Variants in GLP2R observed in about 807,000 individuals in gnomAD.
The protein encoded by GLP2R is glucagon-like peptide 2 receptor.
In GLP2R, 59 loss-of-function variants were observed where a neutral mutation model predicts 68.2. That is an observed-to-expected ratio of 0.87 (90% confidence interval 0.70 to 1.07). The LOEUF is 1.07. Among genes scored for constraint, GLP2R ranks in the 50% least tolerant of loss-of-function variants. The pLI is 0.00. For missense variants in GLP2R, 548 were observed against 677.4 expected (o/e 0.81, Z 2.12); for synonymous variants, 270 against 265.4 (o/e 1.02, Z -0.17).
At chr17:9,869,168 T>G (rs1480526201) in intron 9 of GLP2R, among the ~76,000 whole-genome samples, 2 of 152,180 alleles carry the variant, frequency 1.3e-5, no homozygotes, top group Non-Finnish European at 2.9e-5. Context: ...CTTTTCTCCA[T>G]CACCGTCCCC....
intron 5 of GLP2R, among the ~76,000 whole-genome samples, chr17:9,855,029 TTTATTTAA>T (rs1292056143): frequency 6.8e-6 from 1 of 146,836 alleles, no homozygotes; most frequent in Non-Finnish European, 1.6e-5. Flanking sequence ...TCATGAACTA[TTTATTTAA>T]TTATTTATTT....
Position 9,859,953 on chromosome 17 carries a change from C to T in GLP2R, c.777C>T (p.Ser259=). 3 of 1,607,716 alleles carry T rather than the reference C, an allele frequency of 1.9e-6. No individual in the cohort carries two copies. The highest frequency in any genetic ancestry group is 2.5e-6 in the Non-Finnish European group (3 of 1,177,260). Residue 259 remains serine, a synonymous_variant, in exon 7 of 13, where the codon TCC becomes TCT. Transcript: ENST00000262441. The stretch of plus-strand genomic sequence containing the variant: ...TTTTTCCTCTGCAGATGTCCACCTC[C>T]TGCCGCTCAGTCCAGGTTCTCTTGC... The part of the protein sequence containing the change: ...WMSYLSEMST[S]CRSVQVLLHY...
At chr17:9,866,029 T>C (rs2067033418) in intron 9 of GLP2R, 1 of 416,826 alleles carries the variant, frequency 2.4e-6, no homozygotes, top group Admixed American at 2.7e-5. Context: ...CCTCCCAATC[T>C]GCACAGCTCT....
intron 1 of GLP2R, among the ~76,000 whole-genome samples, chr17:9,830,162 C>G (rs748951158): frequency 6.6e-6 from 1 of 152,178 alleles, no homozygotes; most frequent in African/African-American, 2.4e-5. Context: ...AAATTCAGTA[C>G]TTTTTAGTTT....
At chr17:9,885,425 A>G (rs2067235096) in intron 11 of GLP2R, among the ~76,000 whole-genome samples, 1 of 151,962 alleles carries the variant, frequency 6.6e-6, no homozygotes, top group Non-Finnish European at 1.5e-5. Context: ...CTTTTGATAC[A>G]TGTGATTTTC....
Position 9,891,284 on chromosome 17 carries a change from G to A in GLP2R, c.*1579G>A, listed in dbSNP as rs937015202. The A allele has an allele frequency of 6.6e-6, 1 of 152,162 alleles. No homozygotes were observed. The highest frequency in any genetic ancestry group is 1.5e-5 in the Non-Finnish European group (1 of 68,036). 9.4% of individuals were successfully genotyped at this position (152,162 alleles called of 1,614,324 possible). A position where few individuals can be genotyped will look rare whatever the true frequency, so the allele number is the denominator to read the frequency against. On this transcript the variant is annotated 3_prime_UTR_variant, in exon 13 of 13. Coordinates refer to ENST00000262441, the MANE Select transcript of GLP2R (RefSeq NM_004246.3). ...TTCAAGGATACTTTGCCACAGGGCT[G>A]GGACTAGGGTGAAATAATCAAGGCA...
At chr17:9,840,164 A>AAATTAATTT (rs2066772379) in intron 3 of GLP2R, among the ~76,000 whole-genome samples, 1 of 152,040 alleles carries the variant, frequency 6.6e-6, no homozygotes, top group South Asian at 2.1e-4. Flanking sequence ...TTTAATAGAG[A>AAATTAATTT]CAGGGTTTCA....
intron 5 of GLP2R, among the ~76,000 whole-genome samples, chr17:9,856,703 T>C (rs1164099819): frequency 6.6e-6 from 1 of 152,226 alleles, no homozygotes; most frequent in East Asian, 1.9e-4. Context: ...TGCTTTGGCC[T>C]GAGAGTTTCT....
At chr17:9,887,881 A>G in intron 11 of GLP2R, 51 bp from the exon 12 acceptor site, 1 of 1,410,698 alleles carries the variant, frequency 7.1e-7, no homozygotes, top group Non-Finnish European at 1.0e-6. Context: ...TAACTCTCAG[A>G]CACATCTTCT....
intron 10 of GLP2R, among the ~76,000 whole-genome samples, chr17:9,873,453 A>C (rs1304712327): frequency 6.6e-6 from 1 of 151,994 alleles, no homozygotes; most frequent in Non-Finnish European, 1.5e-5. Flanking sequence ...CTGACTCCAT[A>C]AATGCGGGAT....
intron 4 of GLP2R, among the ~76,000 whole-genome samples, chr17:9,844,976 C>A (rs372952359): frequency 1.9e-3 from 287 of 151,892 alleles, no homozygotes; most frequent in African/African-American, 6.7e-3. Context: ...CAGGCATGGG[C>A]CACCGTGCCT....
intron 10 of GLP2R, among the ~76,000 whole-genome samples, chr17:9,873,369 C>T (rs2152045040): frequency 6.6e-6 from 1 of 152,234 alleles, no homozygotes; most frequent in South Asian, 2.1e-4. Context: ...AATAGTTTTT[C>T]ATCATAGCTC....
chr17:9,827,784 A>T (rs1671932918), intron 1 of GLP2R, among the ~76,000 whole-genome samples: 2 of 152,016 alleles, frequency 1.3e-5, no homozygotes, highest in African/African-American at 4.8e-5. Flanking sequence ...AACGTGGTGA[A>T]ACCCCGTCTG....
chr17:9,848,804 G>A, intron 4 of GLP2R, among the ~76,000 whole-genome samples: 1 of 151,440 alleles, frequency 6.6e-6, no homozygotes, highest in East Asian at 1.9e-4. Context: ...AATATGTTAT[G>A]TTCTTCCAAC....
In GLP2R at chr17:9,826,123, C is replaced by A. The variant is rs774643540; in HGVS notation, c.60C>A (p.Gly20=). The change falls in exon 1 of 13, where the codon GGC becomes GGA. Residue 20 remains glycine, a synonymous_variant. Transcript: ENST00000262441. ...PGRGSAGLLP[G]VHELPMGIPA... ...GAGGAAGCGCGGGACTCCTGCCTGG[C>A]GTCCACGAGCTGCCCATGGGCATCC... 1.2e-6 allele frequency: 2 copies of A among 1,612,490 alleles called. No homozygotes were observed. The highest frequency in any genetic ancestry group is 1.7e-6 in the Non-Finnish European group (2 of 1,179,318).
Position 9,880,502 on chromosome 17 carries a change from C to T in GLP2R, c.1270C>T (p.Leu424=). 1 of 1,599,344 alleles carries T rather than the reference C, an allele frequency of 6.3e-7. No individual in the cohort carries two copies. Among genetic ancestry groups the T allele is most frequent in the South Asian group, 1.1e-5 (1 of 88,036 alleles). Residue 424 remains leucine, a synonymous_variant, in exon 11 of 13, where the codon CTG becomes TTG. Transcript: ENST00000262441. ...KLIRLFIQLT[L]SSFHGFLVAL... is the part of the protein sequence containing the mutation. ...TATACGACTTTTCATTCAGTTGACACTGAGCTCCTTTCATGTAAGTAGAAA... is the reference window on the plus strand; with the variant it reads ...TATACGACTTTTCATTCAGTTGACATTGAGCTCCTTTCATGTAAGTAGAAA...
At chr17:9,853,412 G>A (rs2066909567) in intron 4 of GLP2R, 1 of 154,636 alleles carries the variant, frequency 6.5e-6, no homozygotes, top group African/African-American at 2.4e-5. Context: ...GCCAAACTTG[G>A]TTACTTAAGA....
chr17:9,858,798 A>G (rs1440922555), intron 6 of GLP2R, among the ~76,000 whole-genome samples: 1 of 152,108 alleles, frequency 6.6e-6, no homozygotes, highest in Non-Finnish European at 1.5e-5. Flanking sequence ...AGTCCATTGG[A>G]TCTGTAAGAG....
intron 10 of GLP2R, among the ~76,000 whole-genome samples, chr17:9,872,788 C>A (rs1233994767): frequency 3.3e-5 from 5 of 152,196 alleles, no homozygotes; most frequent in Non-Finnish European, 7.3e-5. Context: ...AGTGTCACTG[C>A]AGACTCATCT....
Sources: allele counts gnomAD v4.1 joint callset (sites outside exome capture counted in the v4.1 genomes callset), GRCh38; gene constraint gnomAD v4.1.1; transcripts MANE v1.5; gene names NCBI Gene and HGNC (gene_info 2026-07-23, HGNC 2026-07-21).